The following LIN7A variants were observed in gnomAD, a reference collection of about 807,000 sequenced individuals.
LIN7A encodes the protein lin-7 cell polarity scaffold A.
LIN7A carries 25 observed loss-of-function variants against 29.8 expected under a neutral mutation model. The ratio of observed to expected loss-of-function variants is 0.84; its 90% CI spans 0.61 to 1.17. The LOEUF (loss-of-function observed/expected upper bound fraction) is 1.17, where lower values mean the gene tolerates loss of function less well. LIN7A is among the 50% of genes most tolerant of loss of function. LIN7A has a pLI of 0.00. For missense variants in LIN7A, 239 were observed against 287.0 expected (o/e 0.83, Z 1.21); for synonymous variants, 118 against 107.5 (o/e 1.10, Z -0.60).
intron 1 of LIN7A, among the ~76,000 whole-genome samples, chr12:80,898,661 A>G (rs186573788): frequency 5.8e-4 from 88 of 152,142 alleles, no homozygotes; most frequent in African/African-American, 2.1e-3. Flanking sequence ...GATTTCTTTG[A>G]GAAGTGTTTT....
At chr12:80,909,913 T>TTAGGTTA (rs1876671773) in intron 1 of LIN7A, among the ~76,000 whole-genome samples, 1 of 151,748 alleles carries the variant, frequency 6.6e-6, no homozygotes, top group African/African-American at 2.4e-5. Flanking sequence ...TTGTCTTACA[T>TTAGGTTA]CTCTGTATTA....
At chr12:80,848,134 C>G (rs1873162876) in intron 3 of LIN7A, 117 bp downstream of exon 3, 1 of 773,214 alleles carries the variant, frequency 1.3e-6, no homozygotes, top group Admixed American at 2.0e-5. Context: ...TCTGGGCTGC[C>G]ACTGATGTCT....
chr12:80,817,415 G>T (rs1871588257), intron 4 of LIN7A, among the ~76,000 whole-genome samples: 1 of 152,032 alleles, frequency 6.6e-6, no homozygotes, highest in Non-Finnish European at 1.5e-5. Context: ...TTTCTCTGTG[G>T]GAATTACATA....
intron 1 of LIN7A, among the ~76,000 whole-genome samples, chr12:80,922,229 G>A (rs7134827): frequency 0.4 from 60,890 of 151,954 alleles, 14,985 homozygotes; most frequent in African/African-American, 0.7. Flanking sequence ...CTTAAAATCC[G>A]TATTAAAACC....
In LIN7A at chr12:80,795,243, A is replaced by G. The variant is rs994851668; in HGVS notation, c.*2484T>C. The G allele has an allele frequency of 1.3e-5, 2 of 152,162 alleles. No individual in the cohort carries two copies. Among genetic ancestry groups the G allele is most frequent in the Non-Finnish European group, 2.9e-5 (2 of 67,992 alleles). 9.4% of individuals were successfully genotyped at this position (152,162 alleles called of 1,614,324 possible). ...GAGAACCACAGGTGGCTTAAGTCTT[A>G]GTGATGGCTACCTCTGATTAAAACT... On this transcript the variant is annotated 3_prime_UTR_variant, in exon 6 of 6. Transcript: ENST00000552864.
intron 2 of LIN7A, among the ~76,000 whole-genome samples, chr12:80,864,933 G>A (rs1382362115): frequency 6.6e-6 from 1 of 152,182 alleles, no homozygotes; most frequent in Non-Finnish European, 1.5e-5. Context: ...AGCTCAGAAA[G>A]TTTTAATTAG....
chr12:80,806,024 G>C (rs1870968635), intron 5 of LIN7A, among the ~76,000 whole-genome samples: 1 of 126,950 alleles, frequency 7.9e-6, no homozygotes, highest in Non-Finnish European at 1.8e-5. Context: ...GTTGCAGTGA[G>C]CTGAGATCGC....
At chr12:80,896,924 A>T (rs1875932719) in intron 1 of LIN7A, among the ~76,000 whole-genome samples, 1 of 152,220 alleles carries the variant, frequency 6.6e-6, no homozygotes, top group Non-Finnish European at 1.5e-5. Context: ...TTTCATTTGA[A>T]ATTGATTACC....
chr12:80,865,728 G>T (rs141033989), intron 2 of LIN7A, among the ~76,000 whole-genome samples: 13 of 152,318 alleles, frequency 8.5e-5, no homozygotes, highest in African/African-American at 3.1e-4. Flanking sequence ...AAGGATTTAA[G>T]ACATTGCTAT....
intron 5 of LIN7A, among the ~76,000 whole-genome samples, chr12:80,800,326 C>A (rs1340975589): frequency 3.3e-5 from 5 of 151,610 alleles, no homozygotes; most frequent in Non-Finnish European, 7.4e-5. Flanking sequence ...CTGGTCTCTA[C>A]TAAAAATACA....
rs888839931 is a variant in LIN7A at position 80,793,550 on chromosome 12, A to G, written c.*4177T>C. 3.3e-5 allele frequency: 5 copies of G among 152,304 alleles called. No homozygotes were observed. The East Asian group carries it at 9.6e-4, about 29-fold the overall frequency. The allele number at this position is 152,304 out of a possible 1,614,324, so 9.4% of individuals were successfully genotyped here. A position where few individuals can be genotyped will look rare whatever the true frequency, so the allele number is the denominator to read the frequency against. ...GGAGAGTTTCTCACAGTAACCTCCA[A>G]GAGGGATTGTGTCTGTCTTGTTTGC... On this transcript the variant is annotated 3_prime_UTR_variant, in exon 6 of 6. Coordinates refer to ENST00000552864, the MANE Select transcript of LIN7A (RefSeq NM_004664.4).
intron 4 of LIN7A, among the ~76,000 whole-genome samples, chr12:80,843,940 A>G (rs775550625): frequency 1.4e-4 from 22 of 152,006 alleles, no homozygotes; most frequent in Non-Finnish European, 2.9e-4. Flanking sequence ...TAGCTCCCTT[A>G]TAAGAAAGCT....
chr12:80,895,645 T>G (rs1875848754), intron 1 of LIN7A, among the ~76,000 whole-genome samples: 1 of 152,234 alleles, frequency 6.6e-6, no homozygotes, highest in Non-Finnish European at 1.5e-5. Flanking sequence ...TTTGCCAAGT[T>G]GTTTTAAGTG....
chr12:80,846,329 T>C (rs1001916283), intron 3 of LIN7A, among the ~76,000 whole-genome samples: 1 of 152,216 alleles, frequency 6.6e-6, no homozygotes, highest in Non-Finnish European at 1.5e-5. Flanking sequence ...AGAGCAGAGA[T>C]GGCGTCTTGC....
intron 2 of LIN7A, among the ~76,000 whole-genome samples, chr12:80,864,125 C>A (rs1437272909): frequency 6.6e-6 from 1 of 152,042 alleles, no homozygotes; most frequent in Non-Finnish European, 1.5e-5. Context: ...AAGTTACACT[C>A]ATAAGTTTAA....
At chr12:80,827,312 G>A (rs895621002) in intron 4 of LIN7A, among the ~76,000 whole-genome samples, 17 of 152,124 alleles carry the variant, frequency 1.1e-4, no homozygotes, top group East Asian at 7.8e-4. Flanking sequence ...GCGTGAACCC[G>A]GGAGGCGGAG....
At position 80,795,628 on chromosome 12, in the gene LIN7A, A is replaced by G. The variant is rs1686799930; in HGVS notation, c.*2099T>C. 1 of 152,130 alleles carries G rather than the reference A, an allele frequency of 6.6e-6. No individual in the cohort carries two copies. Among genetic ancestry groups the G allele is most frequent in the African/African-American group, 2.4e-5 (1 of 41,432 alleles). The allele number at this position is 152,130 out of a possible 1,614,324, so 9.4% of individuals were successfully genotyped here. On this transcript the variant is annotated 3_prime_UTR_variant, in exon 6 of 6. Coordinates refer to ENST00000552864, the MANE Select transcript of LIN7A (RefSeq NM_004664.4). The stretch of plus-strand genomic sequence containing the variant: ...TCACCTTAAGCTCCAAATTTATACA[A>G]TGTATTGAAATGTGTTGAAATGACC...
At chr12:80,828,402 G>A (rs972158221) in intron 4 of LIN7A, among the ~76,000 whole-genome samples, 1 of 152,044 alleles carries the variant, frequency 6.6e-6, no homozygotes, top group African/African-American at 2.4e-5. Context: ...ATTTAAAAAG[G>A]TCTATGTACA....
At chr12:80,853,746 G>T (rs530657004) in intron 2 of LIN7A, among the ~76,000 whole-genome samples, 2 of 152,200 alleles carry the variant, frequency 1.3e-5, no homozygotes, top group East Asian at 1.9e-4. Flanking sequence ...ACCCAGGCTG[G>T]AATGCAGTGG....
Sources: allele counts gnomAD v4.1 joint callset (sites outside exome capture counted in the v4.1 genomes callset), GRCh38; gene constraint gnomAD v4.1.1; transcripts MANE v1.5; gene names NCBI Gene and HGNC (gene_info 2026-07-23, HGNC 2026-07-21).